PTPN9: variants seen among roughly 807,000 people sequenced by gnomAD.
PTPN9 encodes the protein protein tyrosine phosphatase non-receptor type 9, also known as tyrosine-protein phosphatase non-receptor type 9.
A neutral mutation model predicts 69.8 loss-of-function variants in PTPN9; 26 were observed. The ratio of observed to expected loss-of-function variants is 0.37; its 90% confidence interval spans 0.27 to 0.52. The LOEUF (loss-of-function observed/expected upper bound fraction) is 0.52, where lower values mean the gene tolerates loss of function less well. PTPN9 is among the 20% of genes least tolerant of loss of function. PTPN9 has a pLI of 0.91. For synonymous variants in PTPN9, 274 were observed against 272.5 expected, an observed-to-expected ratio of 1.01 and a Z score of -0.05; for missense variants, 549 against 740.3, an observed-to-expected ratio of 0.74 and a Z score of 3.00.
intron 8 of PTPN9, 142 bp downstream of exon 8, chr15:75,490,066 G>A (rs1331450164): frequency 1.5e-6 from 1 of 678,866 alleles, no homozygotes; most frequent in African/African-American, 1.8e-5. Flanking sequence ...TCACAGACTA[G>A]TATGTAGCAA....
At chr15:75,540,670 G>A (rs1405377859) in intron 1 of PTPN9, among the ~76,000 whole-genome samples, 3 of 152,018 alleles carry the variant, frequency 2.0e-5, no homozygotes, top group African/African-American at 4.8e-5. Context: ...TGATCCAGGC[G>A]GCTGCTAGGT....
rs554842792 is a variant in PTPN9 at position 75,568,518 on chromosome 15, A to C, written c.63+10196T>G. 6.8e-5 allele frequency among the ~76,000 whole-genome samples: 10 copies of C among 146,056 alleles called. No homozygotes were observed. In the South Asian group the frequency reaches 1.1e-3, roughly 16 times the overall value. ...GTGAGACCTTGTCTCAAAAAAAAAA[A>C]AAAAAACAAAACAAAAAAAAAACAA... is the stretch of plus-strand genomic sequence containing the variant. On this transcript the variant is annotated intron_variant, in intron 1 of 12. Transcript: ENST00000618819.
chr15:75,567,409 T>C (rs1214343951), intron 1 of PTPN9, among the ~76,000 whole-genome samples: 4 of 152,200 alleles, frequency 2.6e-5, no homozygotes, highest in Non-Finnish European at 5.9e-5. Context: ...TCTGTAATAA[T>C]GATTCACATC....
intron 1 of PTPN9, among the ~76,000 whole-genome samples, chr15:75,532,682 T>C (rs2074968617): frequency 6.6e-6 from 1 of 152,202 alleles, no homozygotes; most frequent in African/African-American, 2.4e-5. Context: ...TCCAGTGTAC[T>C]ATAAACAGTG....
intron 4 of PTPN9, among the ~76,000 whole-genome samples, chr15:75,520,459 T>TAGAC (rs1211037405): frequency 1.5e-5 from 2 of 137,280 alleles, no homozygotes; most frequent in African/African-American, 2.9e-5. Context: ...GATAGATAGA[T>TAGAC]AGATAGATAG....
rs951996408 is a variant in PTPN9, at chr15:75,480,594, T to A, written c.1063-680A>T. 5.4e-5 allele frequency: 58 copies of A among 1,065,874 alleles called. No homozygotes were observed. The African/African-American group carries it at 9.2e-4, about 17-fold the overall frequency. 66.0% of individuals were successfully genotyped at this position (1,065,874 alleles called of 1,614,324 possible). A position where few individuals can be genotyped will look rare whatever the true frequency, so the allele number is the denominator to read the frequency against. ...CGGGTGGTGGTTGGCGCGGCTGCGC[T>A]GCGGCCTGGGGCAGTGCGGAGCCGG... On this transcript the variant is annotated intron_variant, in intron 8 of 12. Coordinates refer to ENST00000618819, the MANE Select transcript of PTPN9 (RefSeq NM_002833.4).
intron 1 of PTPN9, among the ~76,000 whole-genome samples, chr15:75,567,062 C>G (rs1276915587): frequency 6.7e-6 from 1 of 149,742 alleles, no homozygotes; most frequent in Non-Finnish European, 1.5e-5. Context: ...GTCGCCCAGG[C>G]TGGAGTGCAG....
intron 1 of PTPN9, among the ~76,000 whole-genome samples, chr15:75,528,135 CTG>C (rs2074939390): frequency 1.3e-5 from 2 of 152,150 alleles, no homozygotes; most frequent in Admixed American, 6.5e-5. Flanking sequence ...AACCCCAAAA[CTG>C]GATACTAGTA....
intron 7 of PTPN9, among the ~76,000 whole-genome samples, chr15:75,496,764 C>T (rs2074744901): frequency 6.6e-6 from 1 of 152,090 alleles, no homozygotes; most frequent in Non-Finnish European, 1.5e-5. Context: ...ACCTCAGCCT[C>T]CCAAAGTGCT....
At chr15:75,565,907 TG>T (rs2075124682) in intron 1 of PTPN9, among the ~76,000 whole-genome samples, 1 of 152,228 alleles carries the variant, frequency 6.6e-6, no homozygotes, top group Non-Finnish European at 1.5e-5. Context: ...TACTCTGCTA[TG>T]TATATTACTC....
Position 75,517,211 on chromosome 15 carries a change from A to G in PTPN9, c.528+48T>C, listed in dbSNP as rs757937002. ...TTCCCAAAGAATTAAAAAAATATAT[A>G]TATCCCAAGCATTGAAGGAAACTTG... On this transcript the variant is annotated intron_variant, in intron 5 of 12. Transcript: ENST00000618819. 11 of 1,336,232 alleles carry G rather than the reference A, an allele frequency of 8.2e-6. No individual in the cohort carries two copies. In the East Asian group the frequency reaches 9.3e-5, roughly 11 times the overall value. 82.8% of individuals were successfully genotyped at this position (1,336,232 alleles called of 1,614,324 possible). A position where few individuals can be genotyped will look rare whatever the true frequency, so the allele number is the denominator to read the frequency against.
chr15:75,503,243 C>G (rs1379114242), intron 7 of PTPN9, among the ~76,000 whole-genome samples: 1 of 149,936 alleles, frequency 6.7e-6, no homozygotes, highest in African/African-American at 2.5e-5. Context: ...GCATCTCTGC[C>G]CGGCCGCCCA....
chr15:75,552,525 G>C (rs761013134), intron 1 of PTPN9, among the ~76,000 whole-genome samples: 1 of 151,968 alleles, frequency 6.6e-6, no homozygotes, highest in African/African-American at 2.4e-5. Flanking sequence ...AATTACATGA[G>C]ATACTCAATG....
At position 75,515,727 on chromosome 15, in the gene PTPN9, G is replaced by A. The variant is rs1254884042; in HGVS notation, c.528+1532C>T. On this transcript the variant is annotated intron_variant, in intron 5 of 12. Transcript: ENST00000618819. ...AGCCTGGCCAACGTGGAGAAACCCCGTCTCTACCAAAAGTACAAAAATTGG... is the reference window on the plus strand; with the variant it reads ...AGCCTGGCCAACGTGGAGAAACCCCATCTCTACCAAAAGTACAAAAATTGG... Among the ~76,000 whole-genome samples, 3 of 151,814 alleles carry A rather than the reference G, an allele frequency of 2.0e-5. No homozygotes were observed. The South Asian group carries it at 6.2e-4, about 32-fold the overall frequency.
At chr15:75,519,025 G>A (rs1357345628) in intron 4 of PTPN9, among the ~76,000 whole-genome samples, 1 of 152,152 alleles carries the variant, frequency 6.6e-6, no homozygotes, top group Non-Finnish European at 1.5e-5. Context: ...ACTACTCACA[G>A]ATGACAGCAA....
At chr15:75,529,027 C>T (rs747100864) in intron 1 of PTPN9, among the ~76,000 whole-genome samples, 2 of 151,758 alleles carry the variant, frequency 1.3e-5, no homozygotes, top group Non-Finnish European at 2.9e-5. Flanking sequence ...CACTCTGTCA[C>T]CCAGGCTGGA....
chr15:75,518,991 C>T (rs1239819140), intron 4 of PTPN9, among the ~76,000 whole-genome samples: 2 of 152,152 alleles, frequency 1.3e-5, no homozygotes, highest in Non-Finnish European at 2.9e-5. Context: ...CCCAAATGGT[C>T]ATTAGGATAA....
intron 1 of PTPN9, among the ~76,000 whole-genome samples, chr15:75,552,425 CA>C (rs2075060423): frequency 6.6e-6 from 1 of 151,716 alleles, no homozygotes; most frequent in Non-Finnish European, 1.5e-5. Flanking sequence ...CAAAACAAAA[CA>C]AAACAAAAAA....
chr15:75,509,506 T>C (rs2074835943), intron 5 of PTPN9, among the ~76,000 whole-genome samples: 1 of 152,036 alleles, frequency 6.6e-6, no homozygotes, highest in Admixed American at 6.6e-5. Flanking sequence ...CTGGCCAACA[T>C]GGTAAAACCC....
Sources: allele counts gnomAD v4.1 joint callset (sites outside exome capture counted in the v4.1 genomes callset), GRCh38; gene constraint gnomAD v4.1.1; transcripts MANE v1.5; gene names NCBI Gene and HGNC (gene_info 2026-07-23, HGNC 2026-07-21).